Variants in SKI observed in about 807,000 individuals in gnomAD.
SKI encodes SKI proto-oncogene.
SKI carries 23 observed loss-of-function variants against 59.3 expected under a neutral mutation model. The ratio of observed to expected loss-of-function variants is 0.39; its 90% confidence interval spans 0.28 to 0.55. The LOEUF is 0.55. SKI is among the 20% of genes least tolerant of loss of function. The probability of loss-of-function intolerance (pLI) is 0.67; values close to 1 mark genes in which losing one functional copy is unlikely to be tolerated. For synonymous variants in SKI, 673 were observed against 488.6 expected, an observed-to-expected ratio of 1.38 and a Z score of -4.98; for missense variants, 1,017 against 1,038.9, an observed-to-expected ratio of 0.98 and a Z score of 0.29.
chr1:2,289,111 G>T (rs1640107472), intron 1 of SKI, among the ~76,000 whole-genome samples: 1 of 152,178 alleles, frequency 6.6e-6, no homozygotes, highest in African/African-American at 2.4e-5. Context: ...GGTGGCTCAG[G>T]CCCTCAGGAC....
rs571613322 is a variant in SKI at position 2,241,954 on chromosome 1, T to G, written c.969+12219T>G. Among the ~76,000 whole-genome samples the G allele has an allele frequency of 3.5e-4, 53 of 151,400 alleles. No individual in the cohort carries two copies. The South Asian group carries it at 6.9e-3, about 20-fold the overall frequency. The stretch of plus-strand genomic sequence containing the variant: ...GGTCTTCCGTGCATGCCTGTCTGTG[T>G]GTGTGTGTGTGTGTGTGCCTGTGTG... On this transcript the variant is annotated intron_variant, in intron 1 of 6. Transcript: ENST00000378536.
chr1:2,238,558 C>T (rs1396944464), intron 1 of SKI, among the ~76,000 whole-genome samples: 1 of 152,206 alleles, frequency 6.6e-6, no homozygotes, highest in Non-Finnish European at 1.5e-5. Flanking sequence ...GCCCGGGGCC[C>T]CAGAGTGAGG....
Position 2,303,870 on chromosome 1 carries a change from C to G in SKI, c.1242C>G (p.Ala414=). ...ACTCCTACAAGAGCTTTGAGACAGCCGTGGCGCCCAACGTGGCCCTCGCAC... is the reference window on the plus strand; with the variant it reads ...ACTCCTACAAGAGCTTTGAGACAGCGGTGGCGCCCAACGTGGCCCTCGCAC... The part of the protein sequence containing the change: ...SFYSYKSFET[A]VAPNVALAPP... Residue 414 remains alanine, a synonymous_variant, in exon 4 of 7, where the codon GCC becomes GCG. Transcript: ENST00000378536. This position sits in a 1 kb window ranked among gnomAD's most constrained non-coding sequence, Gnocchi z 5.6. 2 of 1,612,488 alleles carry G rather than the reference C, an allele frequency of 1.2e-6. No individual in the cohort carries two copies. Among genetic ancestry groups the G allele is most frequent in the Non-Finnish European group, 1.7e-6 (2 of 1,179,802 alleles).
At chr1:2,297,274 C>T (rs1032250283) in intron 1 of SKI, among the ~76,000 whole-genome samples, 5 of 152,148 alleles carry the variant, frequency 3.3e-5, no homozygotes, top group Non-Finnish European at 5.9e-5. Context: ...GCCGGGCCCA[C>T]GGCTGAAGTT....
At chr1:2,257,570 C>A (rs972398989) in intron 1 of SKI, among the ~76,000 whole-genome samples, 2 of 152,242 alleles carry the variant, frequency 1.3e-5, no homozygotes, top group Admixed American at 1.3e-4. Flanking sequence ...TTCCTTCATC[C>A]AAGAGCCGGG....
At chr1:2,294,643 G>A (rs1340575036) in intron 1 of SKI, among the ~76,000 whole-genome samples, 1 of 152,268 alleles carries the variant, frequency 6.6e-6, no homozygotes, top group Non-Finnish European at 1.5e-5. Flanking sequence ...GAAGTTGTGG[G>A]AGGTGCTGGT....
rs759902976 is a variant in SKI, at chr1:2,270,577, G to A, written c.970-32401G>A. Among the ~76,000 whole-genome samples, 4 of 152,048 alleles carry A rather than the reference G, an allele frequency of 2.6e-5. No individual in the cohort carries two copies. Among genetic ancestry groups the A allele is most frequent in the Non-Finnish European group, 5.9e-5 (4 of 67,900 alleles). ...GGGGGCGCTGGGGAAACAAGCTGCCGGCTGAGGAGGCCGCACTCCCCGTGC... is the reference window on the plus strand; with the variant it reads ...GGGGGCGCTGGGGAAACAAGCTGCCAGCTGAGGAGGCCGCACTCCCCGTGC... On this transcript the variant is annotated intron_variant, in intron 1 of 6. Transcript: ENST00000378536. This position sits in a 1 kb window ranked among gnomAD's most constrained non-coding sequence, Gnocchi z 4.1.
intron 1 of SKI, among the ~76,000 whole-genome samples, chr1:2,291,069 C>T (rs1011042358): frequency 3.6e-4 from 55 of 152,212 alleles, no homozygotes; most frequent in African/African-American, 1.2e-3. Context: ...GAGCAGACCC[C>T]GTTCACCCTC....
Position 2,309,674 on chromosome 1 carries a change from ACCT to A in SKI, c.*2918_*2920del, listed in dbSNP as rs1339769591. 6 of 3,384 alleles carry A rather than the reference ACCT, an allele frequency of 1.8e-3. No individual in the cohort carries two copies. Among genetic ancestry groups the A allele is most frequent in the Non-Finnish European group, 3.7e-3 (6 of 1,608 alleles). 0.2% of individuals were successfully genotyped at this position (3,384 alleles called of 1,614,324 possible). A position where few individuals can be genotyped will look rare whatever the true frequency, so the allele number is the denominator to read the frequency against. On this transcript the variant is annotated 3_prime_UTR_variant, in exon 7 of 7. Coordinates refer to ENST00000378536, the MANE Select transcript of SKI (RefSeq NM_003036.4). ...GTGGGTCTGAGCCCCGGCCCCCCCC[ACCT>A]CCTCCTCCCTGTGGGTCCGAACCCC...
intron 1 of SKI, among the ~76,000 whole-genome samples, chr1:2,283,287 A>G (rs1486484156): frequency 6.6e-6 from 1 of 151,904 alleles, no homozygotes; most frequent in Non-Finnish European, 1.5e-5. Flanking sequence ...CCCAGCACGG[A>G]GCTCTTGTTG....
intron 1 of SKI, among the ~76,000 whole-genome samples, chr1:2,284,728 T>C (rs1483929698): frequency 6.6e-6 from 1 of 152,040 alleles, no homozygotes; most frequent in Non-Finnish European, 1.5e-5. Context: ...CTGGGAGGGC[T>C]CCAGGCAGGG....
At chr1:2,261,939 C>T in intron 1 of SKI, among the ~76,000 whole-genome samples, 1 of 126,218 alleles carries the variant, frequency 7.9e-6, no homozygotes, top group South Asian at 3.0e-4. Flanking sequence ...GGAGTGGACG[C>T]CCTCGCTCCT....
chr1:2,254,931 G>C (rs1344608686), intron 1 of SKI, among the ~76,000 whole-genome samples: 1 of 152,160 alleles, frequency 6.6e-6, no homozygotes, highest in Non-Finnish European at 1.5e-5. Flanking sequence ...GTGCACTTGG[G>C]TGCAGGTGGC....
intron 1 of SKI, among the ~76,000 whole-genome samples, chr1:2,245,950 C>T (rs2100815396): frequency 6.6e-6 from 1 of 151,990 alleles, no homozygotes; most frequent in Admixed American, 6.6e-5. Context: ...GTGTGTGCCA[C>T]CACACCTGGC....
chr1:2,306,388 G>A (rs751467507), intron 6 of SKI, 138 bp downstream of exon 6: 1 of 1,009,904 alleles, frequency 9.9e-7, no homozygotes, highest in Non-Finnish European at 1.4e-6. Context: ...GTGCCCCCCC[G>A]ACGGGCACAG....
chr1:2,309,528 C>A lies in SKI; in HGVS notation c.*2763C>A, dbSNP rs1640691122. The A allele has an allele frequency of 6.6e-6, 1 of 152,072 alleles. No individual in the cohort carries two copies. The highest frequency in any genetic ancestry group is 1.5e-5 in the Non-Finnish European group (1 of 68,022). 9.4% of individuals were successfully genotyped at this position (152,072 alleles called of 1,614,324 possible). A position where few individuals can be genotyped will look rare whatever the true frequency, so the allele number is the denominator to read the frequency against. ...TCCTTTTTCAGAAACTCTTTTCTTACCTGAGAGTTGTCTTGTTTTCTGGGC... is the reference window on the plus strand; with the variant it reads ...TCCTTTTTCAGAAACTCTTTTCTTAACTGAGAGTTGTCTTGTTTTCTGGGC... On this transcript the variant is annotated 3_prime_UTR_variant, in exon 7 of 7. Coordinates refer to ENST00000378536, the MANE Select transcript of SKI (RefSeq NM_003036.4).
At chr1:2,236,799 A>G (rs1412522422) in intron 1 of SKI, among the ~76,000 whole-genome samples, 1 of 152,134 alleles carries the variant, frequency 6.6e-6, no homozygotes, top group East Asian at 1.9e-4. Context: ...AGTTGCTGGA[A>G]TATTATTACC....
intron 1 of SKI, among the ~76,000 whole-genome samples, chr1:2,288,494 G>A (rs1490125227): frequency 2.0e-5 from 3 of 152,236 alleles, no homozygotes; most frequent in Non-Finnish European, 2.9e-5. Context: ...GTGAGAACAC[G>A]ATTGGTTGTC....
At chr1:2,277,112 G>A (rs1443864411) in intron 1 of SKI, among the ~76,000 whole-genome samples, 1 of 152,166 alleles carries the variant, frequency 6.6e-6, no homozygotes, top group African/African-American at 2.4e-5. Flanking sequence ...TGTTTAAAAA[G>A]AAAGGCTGTT....
Sources: gnomAD v4.1 joint callset for allele counts (sites outside exome capture counted in the v4.1 genomes callset) on GRCh38, gnomAD v4.1.1 for gene constraint, Gnocchi (gnomAD v3.1) non-coding constraint, MANE v1.5 for transcripts, NCBI Gene and HGNC (gene_info 2026-07-23, HGNC 2026-07-21) for gene names.